CSMD1: variants seen among roughly 807,000 people sequenced by gnomAD.
CSMD1 encodes CUB and sushi domain-containing protein 1.
Under a neutral mutation model 417.5 loss-of-function variants are expected in CSMD1, and 213 were observed. That is an observed-to-expected ratio of 0.51 (90% CI 0.46 to 0.57). The LOEUF is 0.57. Among genes scored for constraint, CSMD1 ranks in the 20% least tolerant of loss-of-function variants. The pLI is 0.00. For missense variants in CSMD1, 6,923 were observed against 4,529.7 expected (o/e 1.53, Z -15.17); for synonymous variants, 2,862 against 1,736.8 (o/e 1.65, Z -16.11).
chr8:3,330,387 C>T (rs1415248718), intron 23 of CSMD1, among the ~76,000 whole-genome samples: 2 of 152,148 alleles, frequency 1.3e-5, no homozygotes, highest in Non-Finnish European at 2.9e-5. Context: ...AAGTATGGTA[C>T]ATATACACCA....
intron 5 of CSMD1, among the ~76,000 whole-genome samples, chr8:3,795,578 A>C (rs866663501): frequency 0.035 from 508 of 14,382 alleles, 200 homozygotes; most frequent in African/African-American, 0.23. Flanking sequence ...ATATAGATAT[A>C]TATCTATCAT....
chr8:4,885,187 T>G (rs1803657405), intron 1 of CSMD1, among the ~76,000 whole-genome samples: 1 of 152,106 alleles, frequency 6.6e-6, no homozygotes, highest in Admixed American at 6.5e-5. Flanking sequence ...TCTGGTAACC[T>G]GCAAGCCTGC....
At position 4,346,082 on chromosome 8, in the gene CSMD1, A is replaced by C. The variant is rs142730000; in HGVS notation, c.415+73871T>G. Among the ~76,000 whole-genome samples, 3 of 152,166 alleles carry C rather than the reference A, an allele frequency of 2.0e-5. No homozygotes were observed. The East Asian group carries it at 5.8e-4, about 29-fold the overall frequency. On this transcript the variant is annotated intron_variant, in intron 3 of 69. Coordinates refer to ENST00000635120, the MANE Select transcript of CSMD1 (RefSeq NM_033225.6). The stretch of plus-strand genomic sequence containing the variant: ...CCATGTGCTGGCATGTGTGAATACG[A>C]AAGTACTACAACTAGAAATCTTCAG...
intron 3 of CSMD1, among the ~76,000 whole-genome samples, chr8:4,386,329 G>A (rs556683790): frequency 4.2e-5 from 6 of 141,700 alleles, no homozygotes; most frequent in Admixed American, 1.4e-4. Flanking sequence ...CCTACCTTCC[G>A]TCCTCGGTTA....
intron 4 of CSMD1, among the ~76,000 whole-genome samples, chr8:4,001,710 C>T (rs894793703): frequency 3.3e-5 from 5 of 152,074 alleles, no homozygotes; most frequent in Admixed American, 2.6e-4. Flanking sequence ...TCATGGAGAC[C>T]CATAGTTCAC....
In CSMD1 at chr8:3,131,718, C is replaced by T. The variant is rs376786496; in HGVS notation, c.6241+10747G>A. Among the ~76,000 whole-genome samples the T allele has an allele frequency of 1.9e-4, 29 of 152,076 alleles. 1 individual carries two copies. The highest frequency in any genetic ancestry group is 3.7e-4 in the Non-Finnish European group (25 of 68,018). Reference sequence around the variant, plus strand: ...AACTCCTGACCTCAGGTGATCCACCCGCCTCGGCCTCCCAAAATGTTGGGA... The same window carrying T: ...AACTCCTGACCTCAGGTGATCCACCTGCCTCGGCCTCCCAAAATGTTGGGA... On this transcript the variant is annotated intron_variant, in intron 41 of 69. Transcript: ENST00000635120.
chr8:3,960,433 A>G (rs1736500638), intron 5 of CSMD1, among the ~76,000 whole-genome samples: 1 of 152,190 alleles, frequency 6.6e-6, no homozygotes, highest in Non-Finnish European at 1.5e-5. Context: ...CCTCAATGCT[A>G]GTGAGAAATA....
At chr8:4,203,069 G>A (rs1050354362) in intron 3 of CSMD1, among the ~76,000 whole-genome samples, 2 of 152,188 alleles carry the variant, frequency 1.3e-5, no homozygotes, top group African/African-American at 4.8e-5. Context: ...TAAGGATTTT[G>A]AGCAAGTGAG....
chr8:3,815,301 G>A (rs1350553728), intron 5 of CSMD1, among the ~76,000 whole-genome samples: 1 of 152,130 alleles, frequency 6.6e-6, no homozygotes, highest in Non-Finnish European at 1.5e-5. Context: ...AACCAATGGT[G>A]TTGAGTATTA....
intron 33 of CSMD1, among the ~76,000 whole-genome samples, chr8:3,194,278 A>ACATGTATT (rs1249002046): frequency 6.6e-6 from 1 of 152,116 alleles, no homozygotes; most frequent in Non-Finnish European, 1.5e-5. Flanking sequence ...ATCAATCAAA[A>ACATGTATT]CATGTATTTG....
At chr8:2,980,523 T>C (rs948317430) in intron 54 of CSMD1, among the ~76,000 whole-genome samples, 9 of 152,170 alleles carry the variant, frequency 5.9e-5, no homozygotes, top group African/African-American at 1.7e-4. Context: ...ATCTTCTCTT[T>C]GGCCCAGCCT....
chr8:3,289,854 G>T (rs1803419873), intron 25 of CSMD1, among the ~76,000 whole-genome samples: 1 of 147,408 alleles, frequency 6.8e-6, no homozygotes, highest in South Asian at 2.1e-4. Context: ...GTCAGTTTTG[G>T]CTTTTGTTGC....
At chr8:3,966,256 T>A (rs1812672326) in intron 5 of CSMD1, among the ~76,000 whole-genome samples, 1 of 152,160 alleles carries the variant, frequency 6.6e-6, no homozygotes. Flanking sequence ...TAATCAATAT[T>A]GCAAAGATAC....
chr8:4,184,559 C>A (rs142968067), intron 3 of CSMD1, among the ~76,000 whole-genome samples: 1 of 152,004 alleles, frequency 6.6e-6, no homozygotes, highest in African/African-American at 2.4e-5. Flanking sequence ...ATGTCCTTTG[C>A]ATGAGCATGG....
intron 4 of CSMD1, among the ~76,000 whole-genome samples, chr8:4,004,292 T>G (rs529808710): frequency 6.6e-6 from 1 of 152,094 alleles, no homozygotes; most frequent in Non-Finnish European, 1.5e-5. Context: ...TGAATGAAAC[T>G]TGGGAATTCT....
intron 8 of CSMD1, among the ~76,000 whole-genome samples, chr8:3,607,522 T>G (rs1801677686): frequency 6.6e-6 from 1 of 152,196 alleles, no homozygotes; most frequent in Non-Finnish European, 1.5e-5. Flanking sequence ...TACATCTGTC[T>G]TACATCAAGA....
chr8:4,280,073 C>A lies in CSMD1; in HGVS notation c.415+139880G>T, dbSNP rs186649149. ...CTAGAACGCTGAGCGTTAACTAACG[C>A]GTTGAAAATAAATAACTCTGTTTTG... On this transcript the variant is annotated intron_variant, in intron 3 of 69. Transcript: ENST00000635120. Among the ~76,000 whole-genome samples, 594 of 152,312 alleles carry A rather than the reference C, an allele frequency of 3.9e-3. 4 individuals carry two copies. The highest frequency in any genetic ancestry group is 0.026 in the South Asian group (127 of 4,826).
At chr8:3,049,825 G>T (rs1195945281) in intron 50 of CSMD1, among the ~76,000 whole-genome samples, 1 of 152,084 alleles carries the variant, frequency 6.6e-6, no homozygotes, top group Non-Finnish European at 1.5e-5. Flanking sequence ...CCCCACTCTG[G>T]TGTGAGGTGT....
intron 2 of CSMD1, among the ~76,000 whole-genome samples, chr8:4,592,912 G>A (rs1800063337): frequency 6.6e-6 from 1 of 152,124 alleles, no homozygotes; most frequent in Non-Finnish European, 1.5e-5. Context: ...TTATTTAGAA[G>A]TTTCGAATCA....
Sources: gnomAD v4.1 joint callset for allele counts (sites outside exome capture counted in the v4.1 genomes callset) on GRCh38, gnomAD v4.1.1 for gene constraint, MANE v1.5 for transcripts, NCBI Gene and HGNC (gene_info 2026-07-23, HGNC 2026-07-21) for gene names.